The following CLCNKA variants were observed in gnomAD, a reference collection of about 807,000 sequenced individuals.
CLCNKA encodes chloride channel protein ClC-Ka.
A neutral mutation model predicts 83.3 loss-of-function variants in CLCNKA; 66 were observed. The observed-to-expected ratio is 0.79, with a 90% confidence interval of 0.65 to 0.97. The LOEUF is 0.97. Among genes scored for constraint, CLCNKA ranks in the 50% least tolerant of loss-of-function variants. CLCNKA has a pLI of 0.00. For synonymous variants in CLCNKA, 357 were observed against 370.4 expected, an observed-to-expected ratio of 0.96 and a Z score of 0.42; for missense variants, 806 against 888.7, an observed-to-expected ratio of 0.91 and a Z score of 1.18.
At chr1:16,030,277 C>T (rs553030170) in intron 14 of CLCNKA, among the ~76,000 whole-genome samples, 184 bp from the exon 15 acceptor site, 2 of 152,316 alleles carry the variant, frequency 1.3e-5, no homozygotes, top group African/African-American at 4.8e-5. Flanking sequence ...CCCAGCCCTG[C>T]GGCCTCCCTT....
At chr1:16,027,966 C>A in intron 9 of CLCNKA, 52 bp from the exon 10 acceptor site, 1 of 1,614,012 alleles carries the variant, frequency 6.2e-7, no homozygotes, top group Non-Finnish European at 8.5e-7. Flanking sequence ...GCCTGGACTG[C>A]GGCCCCTGGT....
intron 1 of CLCNKA, 146 bp from the exon 2 acceptor site, chr1:16,022,467 G>A: frequency 1.8e-6 from 1 of 563,776 alleles, no homozygotes; most frequent in Admixed American, 3.1e-5. Flanking sequence ...AGGGATGAGG[G>A]CACACACAGA....
At chr1:16,032,879 G>A (rs1157442215) in intron 18 of CLCNKA, among the ~76,000 whole-genome samples, 1 of 152,268 alleles carries the variant, frequency 6.6e-6, no homozygotes, top group East Asian at 1.9e-4. Context: ...CCTGACACAA[G>A]GATGGGGCAA....
Position 16,032,234 on chromosome 1 carries a change from G to A in CLCNKA, c.1788G>A (p.Arg596=). ...AGATCCTGGTAGGCATCGTGCAGAG[G>A]GCCCAGCTGGTGCAGGCCCTCCAGG... ...ESQILVGIVQ[R]AQLVQALQAE... Residue 596 remains arginine (R), a synonymous_variant, in exon 17 of 20, where the codon AGG becomes AGA. Coordinates refer to ENST00000331433, the MANE Select transcript of CLCNKA (RefSeq NM_004070.4). 1 of 1,612,668 alleles carries A rather than the reference G, an allele frequency of 6.2e-7. No individual in the cohort carries two copies. Among genetic ancestry groups the A allele is most frequent in the Non-Finnish European group, 8.5e-7 (1 of 1,179,922 alleles).
intron 11 of CLCNKA, 120 bp downstream of exon 11, chr1:16,028,965 G>A (rs879873473): frequency 2.0e-6 from 3 of 1,502,498 alleles, no homozygotes; most frequent in Non-Finnish European, 2.7e-6. Context: ...TCATTCTGCA[G>A]ATAAGGAGAC....
intron 14 of CLCNKA, 43 bp from the exon 15 acceptor site, chr1:16,030,418 T>C (rs767022815): frequency 5.6e-6 from 9 of 1,605,868 alleles, no homozygotes; most frequent in East Asian, 4.5e-5. Flanking sequence ...GGCTGGCCCC[T>C]GCCTCCTGGC....
In CLCNKA at chr1:16,031,802, C is replaced by A. The variant is rs151180848; in HGVS notation, c.1715C>A (p.Thr572Asn). Reference sequence around the variant, plus strand: ...CTGGAGGAGGTGGTCAAGGTTGTGACCTCCACAGACGTGACCGAGTATCCC... The same window carrying A: ...CTGGAGGAGGTGGTCAAGGTTGTGAACTCCACAGACGTGACCGAGTATCCC... ...TPLEEVVKVVTSTDVTEYPLV... is the reference protein window; with the variant it reads ...TPLEEVVKVVNSTDVTEYPLV... The change falls in exon 16 of 20, where the codon ACC becomes AAC. Residue 572 changes from threonine to asparagine, a missense_variant. Thr to Asn is a moderately conservative substitution (Grantham distance 65). Coordinates refer to ENST00000331433, the MANE Select transcript of CLCNKA (RefSeq NM_004070.4). 10 of 1,613,836 alleles carry A rather than the reference C, an allele frequency of 6.2e-6. No individual in the cohort carries two copies. The highest frequency in any genetic ancestry group is 8.5e-6 in the Non-Finnish European group (10 of 1,180,038).
intron 10 of CLCNKA, chr1:16,028,531 T>C (rs1292153598): frequency 1.5e-6 from 1 of 676,870 alleles, no homozygotes; most frequent in Non-Finnish European, 2.7e-6. Flanking sequence ...CTCAATCTCC[T>C]GCGTGATTCC....
intron 10 of CLCNKA, among the ~76,000 whole-genome samples, chr1:16,028,427 T>C (rs1415460342): frequency 6.6e-6 from 1 of 152,274 alleles, no homozygotes; most frequent in African/African-American, 2.4e-5. Context: ...GGCCTTGGCA[T>C]TGGCCAGCCC....
At chr1:16,028,664 T>C in intron 10 of CLCNKA, 97 bp from the exon 11 acceptor site, 1 of 1,447,216 alleles carries the variant, frequency 6.9e-7, no homozygotes, top group Non-Finnish European at 9.7e-7. Context: ...AGCCCCCAGG[T>C]GGGGAGCTCT....
rs1260680516 is a variant in CLCNKA at position 16,028,112 on chromosome 1, G to T, written c.961G>T (p.Ala321Ser). 3.2e-6 allele frequency: 5 copies of T among 1,548,196 alleles called. No homozygotes were observed. Among genetic ancestry groups the T allele is most frequent in the Admixed American group, 1.7e-5 (1 of 58,600 alleles). ...KTNRYSSKLL[A>S]TSKPVYSALA... The stretch of plus-strand genomic sequence containing the variant: ...CAATCGGTACAGCTCCAAACTGCTG[G>T]CTACTAGGTAGGCTCTGGGCTAGGG... The change falls in exon 10 of 20, where the codon GCT becomes TCT. Residue 321 changes from alanine (A) to serine (S), a missense_variant. Physicochemically the swap from Ala to Ser is moderately conservative, Grantham distance 99. Coordinates refer to ENST00000331433, the MANE Select transcript of CLCNKA (RefSeq NM_004070.4).
At position 16,026,210 on chromosome 1, in the gene CLCNKA, C is replaced by T; in HGVS notation, c.461C>T (p.Thr154Ile). 1 of 1,613,924 alleles carries T rather than the reference C, an allele frequency of 6.2e-7. No individual in the cohort carries two copies. Among genetic ancestry groups the T allele is most frequent in the South Asian group, 1.1e-5 (1 of 91,054 alleles). The change falls in exon 5 of 20, where the codon ACC (threonine) becomes ATC (isoleucine). Residue 154 changes from threonine to isoleucine, a missense_variant. Physicochemically the swap from Thr to Ile is moderately conservative, Grantham distance 89 (BLOSUM62 -1). Transcript: ENST00000331433. ...FGAKVVGLSC[T>I]LATGSTLFLG... ...GCCAAGGTGGTGGGCCTCTCCTGCA[C>T]CCTGGCCACCGGCAGCACCCTGTTC... is the stretch of plus-strand genomic sequence containing the variant.
At position 16,029,949 on chromosome 1, in the gene CLCNKA, C is replaced by G; in HGVS notation, c.1298-16C>G. 1 of 1,606,886 alleles carries G rather than the reference C, an allele frequency of 6.2e-7. No individual in the cohort carries two copies. The highest frequency in any genetic ancestry group is 2.2e-5 in the East Asian group (1 of 44,848). On this transcript the variant is annotated splice_polypyrimidine_tract_variant and intron_variant, in intron 13 of 19. Transcript: ENST00000331433. ...CGGGTCAGCCTGGCTCCCCCTCACC[C>G]TAAGTCTGTGGCCAGGAGCTGCCAT...
chr1:16,033,303 GA>G, intron 19 of CLCNKA, 47 bp downstream of exon 19: 5 of 1,591,508 alleles, frequency 3.1e-6, no homozygotes, highest in Non-Finnish European at 4.3e-6. Flanking sequence ...CCATGCCTGA[GA>G]AGGCTGGGGA....
intron 7 of CLCNKA, 76 bp from the exon 8 acceptor site, chr1:16,027,234 G>A (rs1373053417): frequency 2.5e-5 from 40 of 1,595,602 alleles, no homozygotes; most frequent in East Asian, 2.2e-5. Flanking sequence ...CAGGGAGGAG[G>A]CGAGATGGGG....
In CLCNKA at chr1:16,027,835, C is replaced by T. The variant is rs781497766; in HGVS notation, c.796C>T (p.Leu266Phe). The T allele has an allele frequency of 3.1e-6, 5 of 1,611,320 alleles. No individual in the cohort carries two copies. The highest frequency in any genetic ancestry group is 3.3e-5 in the Admixed American group (2 of 59,814). Residue 266 changes from leucine to phenylalanine, a missense_variant, in exon 9 of 20, where the codon CTC (leucine) becomes TTC (phenylalanine). Transcript: ENST00000331433. Reference protein sequence around the residue: ...FNSEQETITSLYKTSFRVDVP... With the variant: ...FNSEQETITSFYKTSFRVDVP... ...TCCTTCCCCAGAGACCATCACCTCC[C>T]TCTACAAGACCAGTTTCCGGGTGGA... is the stretch of plus-strand genomic sequence containing the variant.
rs375974284 is a variant in CLCNKA, at chr1:16,027,415, C to A, written c.761C>A (p.Ala254Glu). Residue 254 changes from alanine to glutamate, a missense_variant, in exon 8 of 20, where the codon GCA (alanine) becomes GAA (glutamate). Transcript: ENST00000331433. ...TCGAFIFRLL[A>E]VFNSEQETIT... ...GGGGCCTTCATATTCCGGCTCCTGG[C>A]AGTCTTCAACAGCGAGCAGGGTGAG... The A allele has an allele frequency of 1.6e-5, 26 of 1,613,928 alleles. No individual in the cohort carries two copies. Among genetic ancestry groups the A allele is most frequent in the Non-Finnish European group, 2.0e-5 (24 of 1,179,980 alleles).
intron 3 of CLCNKA, among the ~76,000 whole-genome samples, chr1:16,024,217 C>T (rs942644582): frequency 6.6e-6 from 1 of 152,274 alleles, no homozygotes; most frequent in African/African-American, 2.4e-5. Flanking sequence ...CTTCCCTCCT[C>T]CGTGCCTTGG....
At chr1:16,029,388 G>A in intron 12 of CLCNKA, 89 bp downstream of exon 12, 4 of 1,585,394 alleles carry the variant, frequency 2.5e-6, no homozygotes, top group Non-Finnish European at 3.4e-6. Context: ...TGGTGGCATG[G>A]AGCCCAGGCC....
Sources: allele counts gnomAD v4.1 joint callset (sites outside exome capture counted in the v4.1 genomes callset), GRCh38; gene constraint gnomAD v4.1.1; transcripts MANE v1.5; gene names NCBI Gene and HGNC (gene_info 2026-07-23, HGNC 2026-07-21).